TTC3: variants seen among roughly 807,000 people sequenced by gnomAD.
TTC3 encodes tetratricopeptide repeat domain 3.
In TTC3, 180 loss-of-function variants were observed where a neutral mutation model predicts 249.6. That is an observed-to-expected ratio of 0.72 (90% confidence interval 0.64 to 0.82). The LOEUF is 0.82. Ranked by LOEUF, TTC3 falls within the 40% of genes least tolerant of loss-of-function variation. The pLI, the probability that TTC3 is intolerant of heterozygous loss-of-function variation, is 0.00. For missense variants in TTC3, 2,061 were observed against 2,398.4 expected (o/e 0.86, Z 2.94); for synonymous variants, 717 against 805.0 (o/e 0.89, Z 1.85).
chr21:37,104,725 A>G (rs933037433), intron 10 of TTC3, among the ~76,000 whole-genome samples: 1 of 152,170 alleles, frequency 6.6e-6, no homozygotes, highest in Admixed American at 6.5e-5. Context: ...GCCAGCCTCC[A>G]TGATTTGAAG....
chr21:37,144,211 G>A (rs2078771486), intron 20 of TTC3, among the ~76,000 whole-genome samples: 1 of 151,646 alleles, frequency 6.6e-6, no homozygotes, highest in East Asian at 1.9e-4. Context: ...CCTGCACGTT[G>A]TGCACATGTA....
chr21:37,122,476 A>G (rs1311590180), intron 12 of TTC3, among the ~76,000 whole-genome samples: 1 of 147,728 alleles, frequency 6.8e-6, no homozygotes, highest in Non-Finnish European at 1.5e-5. Context: ...TATATAGCAG[A>G]AATTGGCTGT....
At chr21:37,081,764 G>A (rs1038565148) in intron 1 of TTC3, 16 of 151,602 alleles carry the variant, frequency 1.1e-4, no homozygotes, top group African/African-American at 3.2e-4. Flanking sequence ...ATTTCATAAG[G>A]CATATATTTT....
intron 1 of TTC3, chr21:37,083,278 A>G: frequency 1.0e-6 from 1 of 985,448 alleles, no homozygotes; most frequent in Non-Finnish European, 1.2e-6. Context: ...GACTGGGGAT[A>G]AAAGCAGGAG....
In TTC3 at chr21:37,135,527, T is replaced by C. The variant is rs202020316; in HGVS notation, c.1578+13T>C. ...TCAAAAAATAAAGGTAAATTTGCCA[T>C]ATCATAACTTGTTTATCAATGCTAA... On this transcript the variant is annotated intron_variant, in intron 18 of 45. Transcript: ENST00000355666. 2 of 1,609,324 alleles carry C rather than the reference T, an allele frequency of 1.2e-6. No homozygotes were observed. The highest frequency in any genetic ancestry group is 1.3e-5 in the African/African-American group (1 of 74,760).
chr21:37,151,938 G>C, exon 26 of TTC3: 1 of 1,605,030 alleles, frequency 6.2e-7, no homozygotes, highest in Non-Finnish European at 8.5e-7. Context: ...TGAAGAGAAA[G>C]ATCCAAAAAA....
intron 1 of TTC3, chr21:37,082,806 T>A: frequency 2.1e-6 from 2 of 975,108 alleles, no homozygotes; most frequent in Non-Finnish European, 2.4e-6. Context: ...GATCAGAAGC[T>A]CTTTATTTTA....
At position 37,129,068 on chromosome 21, in the gene TTC3, GT is replaced by G; in HGVS notation, c.1358+11del. The G allele has an allele frequency of 6.3e-7, 1 of 1,577,864 alleles. No individual in the cohort carries two copies. Among genetic ancestry groups the G allele is most frequent in the South Asian group, 1.2e-5 (1 of 85,164 alleles). ...CAATGAATCAGAAAAGTTCAGGTAT[GT>G]TTTTTCTCTAAGGTATGTTTTTTTC... On this transcript the variant is annotated splice_donor_region_variant and intron_variant, in intron 16 of 45. Transcript: ENST00000355666.
chr21:37,176,960 T>A (rs963604341), intron 35 of TTC3, among the ~76,000 whole-genome samples: 1 of 152,164 alleles, frequency 6.6e-6, no homozygotes, highest in African/African-American at 2.4e-5. Flanking sequence ...GTCATAATAA[T>A]GCTGAGTGAC....
chr21:37,132,859 T>G lies in TTC3; in HGVS notation c.1443+93T>G, dbSNP rs1307645679. The G allele has an allele frequency of 8.1e-6, 7 of 865,178 alleles. No individual in the cohort carries two copies. In the African/African-American group the frequency reaches 1.3e-4, roughly 16 times the overall value. 53.6% of individuals were successfully genotyped at this position (865,178 alleles called of 1,614,324 possible). A position where few individuals can be genotyped will look rare whatever the true frequency, so the allele number is the denominator to read the frequency against. ...GGTTCTAATCATGTACATCTCTAAG[T>G]TTTTTTTATATAATTATTGTATTAT... On this transcript the variant is annotated intron_variant, in intron 17 of 45. Transcript: ENST00000355666.
intron 41 of TTC3, 36 bp from the exon 42 acceptor site, chr21:37,195,639 C>T (rs1410555084): frequency 1.3e-6 from 2 of 1,558,976 alleles, no homozygotes; most frequent in African/African-American, 2.7e-5. Context: ...TCAAGGGAAG[C>T]CCTAAGTGAT....
chr21:37,158,556 A>G (rs917560381), intron 28 of TTC3, among the ~76,000 whole-genome samples: 1 of 152,206 alleles, frequency 6.6e-6, no homozygotes, highest in African/African-American at 2.4e-5. Flanking sequence ...AGTGTTTGAC[A>G]ATGTCATGAG....
chr21:37,146,912 C>T (rs924116361), intron 21 of TTC3, among the ~76,000 whole-genome samples: 1 of 152,078 alleles, frequency 6.6e-6, no homozygotes, highest in Non-Finnish European at 1.5e-5. Flanking sequence ...TCTCTTCATA[C>T]AAGATTGGGA....
At chr21:37,083,074 G>A (rs555380426) in intron 1 of TTC3, 11 of 985,432 alleles carry the variant, frequency 1.1e-5, no homozygotes, top group Middle Eastern at 5.2e-4. Flanking sequence ...ACTGCTGTCA[G>A]AGACATGGGC....
intron 34 of TTC3, among the ~76,000 whole-genome samples, chr21:37,171,296 T>G (rs2081760063): frequency 6.6e-6 from 1 of 152,234 alleles, no homozygotes; most frequent in Non-Finnish European, 1.5e-5. Context: ...AATTAGCTGT[T>G]AGTTTTAGGA....
At chr21:37,191,362 T>G (rs1455189248) in exon 40 of TTC3, 1 of 1,590,484 alleles carries the variant, frequency 6.3e-7, no homozygotes, top group Non-Finnish European at 8.5e-7. Flanking sequence ...TGACATGGAG[T>G]CTGATATACG....
chr21:37,165,853 ATTTAAACCAGATGTAAAG>A, exon 33 of TTC3: 1 of 1,614,212 alleles, frequency 6.2e-7, no homozygotes, highest in Middle Eastern at 1.6e-4. Flanking sequence ...CTGCTAGGGA[ATTTAAACCAGATGTAAAG>A]TCTAAACCAG....
intron 34 of TTC3, among the ~76,000 whole-genome samples, chr21:37,171,937 G>A (rs2081836652): frequency 6.6e-6 from 1 of 152,202 alleles, no homozygotes; most frequent in Non-Finnish European, 1.5e-5. Context: ...CCACAGGGAG[G>A]ACAGTTACCT....
chr21:37,135,962 T>G (rs1179873486), intron 18 of TTC3, among the ~76,000 whole-genome samples: 2 of 152,236 alleles, frequency 1.3e-5, no homozygotes, highest in Admixed American at 1.3e-4. Context: ...GTGTCACATT[T>G]TGGTAATTCT....
Sources: gnomAD v4.1 joint callset for allele counts (sites outside exome capture counted in the v4.1 genomes callset) on GRCh38, gnomAD v4.1.1 for gene constraint, MANE v1.5 for transcripts, NCBI Gene and HGNC (gene_info 2026-07-23, HGNC 2026-07-21) for gene names.